The following HTR1F variants were observed in gnomAD, a reference collection of about 807,000 sequenced individuals.
The protein encoded by HTR1F is 5-hydroxytryptamine (serotonin) receptor 1F, G protein-coupled.
HTR1F carries 17 observed loss-of-function variants against 24.0 expected under a neutral mutation model. That is an observed-to-expected ratio of 0.71 (90% confidence interval 0.48 to 1.06). The LOEUF is 1.06. Among genes scored for constraint, HTR1F ranks in the 50% least tolerant of loss-of-function variants. The probability of loss-of-function intolerance (pLI) is 0.00; values close to 1 mark genes in which losing one functional copy is unlikely to be tolerated. For missense variants in HTR1F, 391 were observed against 427.8 expected, an observed-to-expected ratio of 0.91 and a Z score of 0.76; for synonymous variants, 186 against 156.8, an observed-to-expected ratio of 1.19 and a Z score of -1.39.
intron 2 of HTR1F, among the ~76,000 whole-genome samples, chr3:87,931,993 T>A (rs1164536345): frequency 6.6e-6 from 1 of 152,198 alleles, no homozygotes; most frequent in Non-Finnish European, 1.5e-5. Context: ...ATTCTGTAGG[T>A]TGCCTGTTCA....
chr3:87,904,933 T>A (rs1413454622), intron 2 of HTR1F, among the ~76,000 whole-genome samples: 1 of 152,122 alleles, frequency 6.6e-6, no homozygotes. Context: ...TGGTTTATAA[T>A]ATCTTTCCTT....
intron 2 of HTR1F, among the ~76,000 whole-genome samples, chr3:87,823,274 G>C (rs982931603): frequency 9.2e-5 from 14 of 152,128 alleles, no homozygotes; most frequent in African/African-American, 3.1e-4. Flanking sequence ...AAATCTCAAT[G>C]GTACCCATTC....
intron 2 of HTR1F, among the ~76,000 whole-genome samples, chr3:87,926,096 A>T (rs72913785): frequency 2.6e-5 from 4 of 152,152 alleles, no homozygotes; most frequent in African/African-American, 9.6e-5. Flanking sequence ...GCTTAAATCA[A>T]TCTTTTTTAC....
rs1008305683 is a variant in HTR1F, at chr3:87,909,961, C to G, written c.-42-80747C>G. Among the ~76,000 whole-genome samples the G allele has an allele frequency of 4.6e-4, 70 of 152,020 alleles. 2 individuals carry two copies. Among genetic ancestry groups the G allele is most frequent in the Non-Finnish European group, 1.5e-5 (1 of 67,950 alleles). On this transcript the variant is annotated intron_variant, in intron 2 of 2. Transcript: ENST00000319595. ...TGATTAATACATATTAACCGATTAACAGATTAATCTATTCTTAATACAGAC... is the reference window on the plus strand; with the variant it reads ...TGATTAATACATATTAACCGATTAAGAGATTAATCTATTCTTAATACAGAC...
chr3:87,823,752 T>G (rs1399716041), intron 2 of HTR1F, among the ~76,000 whole-genome samples: 2 of 151,888 alleles, frequency 1.3e-5, no homozygotes, highest in East Asian at 1.9e-4. Flanking sequence ...GTGCTGGGAT[T>G]ACAGGCTTTA....
intron 2 of HTR1F, among the ~76,000 whole-genome samples, chr3:87,977,609 A>T (rs1270090269): frequency 1.6e-4 from 24 of 149,214 alleles, no homozygotes; most frequent in Admixed American, 4.7e-4. Flanking sequence ...TTTTTAGTAG[A>T]GACAAGGTTC....
chr3:87,972,745 C>A lies in HTR1F; in HGVS notation c.-42-17963C>A, dbSNP rs562310630. Among the ~76,000 whole-genome samples the A allele has an allele frequency of 2.0e-5, 3 of 152,256 alleles. No homozygotes were observed. In the East Asian group the frequency reaches 5.8e-4, roughly 29 times the overall value. On this transcript the variant is annotated intron_variant, in intron 2 of 2. Coordinates refer to ENST00000319595, the MANE Select transcript of HTR1F (RefSeq NM_001322209.2). Reference sequence around the variant, plus strand: ...AAACCTCCTTCTTCCTCAAGTCTCACCTCCTCCCCTCCAAAAATAAGCTAT... The same window carrying A: ...AAACCTCCTTCTTCCTCAAGTCTCAACTCCTCCCCTCCAAAAATAAGCTAT...
At chr3:87,982,550 T>C (rs146771002) in intron 2 of HTR1F, among the ~76,000 whole-genome samples, 2 of 152,326 alleles carry the variant, frequency 1.3e-5, no homozygotes, top group East Asian at 3.9e-4. Context: ...AGAAGGCTAC[T>C]TAGCTATAAT....
At chr3:87,980,557 C>T (rs1705518588) in intron 2 of HTR1F, among the ~76,000 whole-genome samples, 1 of 152,180 alleles carries the variant, frequency 6.6e-6, no homozygotes, top group African/African-American at 2.4e-5. Context: ...GCCCAGGCTC[C>T]AGGCTTCAGA....
intron 2 of HTR1F, among the ~76,000 whole-genome samples, chr3:87,905,735 C>CAAA (rs36028043): frequency 1.2e-4 from 17 of 141,726 alleles, no homozygotes; most frequent in Non-Finnish European, 2.0e-4. Flanking sequence ...CTTTATTTAG[C>CAAA]AAAAAAAAAA....
intron 2 of HTR1F, among the ~76,000 whole-genome samples, chr3:87,935,363 G>T (rs1704386605): frequency 6.6e-6 from 1 of 152,162 alleles, no homozygotes; most frequent in African/African-American, 2.4e-5. Flanking sequence ...TGCTCTTTAA[G>T]AGTCAATTTC....
chr3:87,880,646 T>TTGTGTGTGTGTGTG (rs10540515), intron 2 of HTR1F, among the ~76,000 whole-genome samples: 1 of 147,176 alleles, frequency 6.8e-6, no homozygotes, highest in African/African-American at 2.5e-5. Flanking sequence ...GTGTGTTTGT[T>TTGTGTGTGTGTGTG]TGTGTGTGTG....
chr3:87,959,588 T>C (rs1253735541), intron 2 of HTR1F, among the ~76,000 whole-genome samples: 1 of 151,972 alleles, frequency 6.6e-6, no homozygotes. Context: ...TTTACTTAAA[T>C]TCGCTTTGTT....
intron 2 of HTR1F, among the ~76,000 whole-genome samples, chr3:87,990,233 ACT>A (rs1425590911): frequency 6.6e-6 from 1 of 150,602 alleles, no homozygotes; most frequent in Admixed American, 6.6e-5. Context: ...CCTAAGCAAA[ACT>A]CTTGGTGGGC....
intron 2 of HTR1F, among the ~76,000 whole-genome samples, chr3:87,918,022 C>T (rs753886342): frequency 1.6e-4 from 25 of 151,842 alleles, no homozygotes; most frequent in African/African-American, 3.4e-4. Flanking sequence ...TAATTCATCA[C>T]GAACAAGAGG....
At chr3:87,960,924 G>A (rs1705045340) in intron 2 of HTR1F, among the ~76,000 whole-genome samples, 1 of 151,872 alleles carries the variant, frequency 6.6e-6, no homozygotes. Context: ...ATGAAAAGTA[G>A]CTGGAACTCT....
rs576130425 is a variant in HTR1F, at chr3:87,980,602, G to A, written c.-42-10106G>A. Among the ~76,000 whole-genome samples, 11 of 152,240 alleles carry A rather than the reference G, an allele frequency of 7.2e-5. No individual in the cohort carries two copies. In the East Asian group the frequency reaches 2.1e-3, roughly 30 times the overall value. ...GCTTGAACATGGGGTTTCACTGGGGGCTTGCTCCTTTCCACCCAGGAGCCT... is the reference window on the plus strand; with the variant it reads ...GCTTGAACATGGGGTTTCACTGGGGACTTGCTCCTTTCCACCCAGGAGCCT... On this transcript the variant is annotated intron_variant, in intron 2 of 2. Transcript: ENST00000319595.
chr3:87,806,919 A>G (rs1844432), intron 1 of HTR1F, among the ~76,000 whole-genome samples: 20,764 of 151,816 alleles, frequency 0.14, 4,430 homozygotes, highest in African/African-American at 0.46. Context: ...TGGAACCCTC[A>G]TCAAAAATCA....
chr3:87,837,843 A>G (rs1704715174), intron 2 of HTR1F, among the ~76,000 whole-genome samples: 1 of 152,082 alleles, frequency 6.6e-6, no homozygotes, highest in African/African-American at 2.4e-5. Context: ...ACTTTAGACA[A>G]TAAAATATTA....
Sources: gnomAD v4.1 joint callset for allele counts (sites outside exome capture counted in the v4.1 genomes callset) on GRCh38, gnomAD v4.1.1 for gene constraint, MANE v1.5 for transcripts, NCBI Gene and HGNC (gene_info 2026-07-23, HGNC 2026-07-21) for gene names.